The following SDK2 variants were observed in gnomAD, a reference collection of about 807,000 sequenced individuals.
SDK2 encodes the protein protein sidekick-2.
Under a neutral mutation model 253.9 loss-of-function variants are expected in SDK2, and 105 were observed. The ratio of observed to expected loss-of-function variants is 0.41; its 90% CI spans 0.35 to 0.49. SDK2 has a LOEUF of 0.49. SDK2 is among the 20% of genes least tolerant of loss of function. The pLI, the probability that SDK2 is intolerant of heterozygous loss-of-function variation, is 0.06. For missense variants in SDK2, 2,608 were observed against 3,003.0 expected, an observed-to-expected ratio of 0.87 and a Z score of 3.07; for synonymous variants, 1,249 against 1,234.9, an observed-to-expected ratio of 1.01 and a Z score of -0.24.
chr17:73,349,549 G>A (rs536913203), intron 43 of SDK2, among the ~76,000 whole-genome samples: 14 of 152,354 alleles, frequency 9.2e-5, no homozygotes, highest in African/African-American at 3.1e-4. Context: ...CCTTGGAAAT[G>A]GGCAGCCCGA....
At chr17:73,466,379 T>C (rs2063597426) in intron 3 of SDK2, among the ~76,000 whole-genome samples, 2 of 152,198 alleles carry the variant, frequency 1.3e-5, no homozygotes, top group Admixed American at 1.3e-4. Flanking sequence ...GTACTCATGG[T>C]AGCATCCTTT....
chr17:73,423,713 C>A (rs1162493659), intron 13 of SDK2, among the ~76,000 whole-genome samples, 191 bp from the exon 14 acceptor site: 1 of 152,212 alleles, frequency 6.6e-6, no homozygotes, highest in South Asian at 2.1e-4. Flanking sequence ...AAGCCATCCT[C>A]ACACCCCCCT....
chr17:73,595,015 ACCT>A (rs2045735212), intron 1 of SDK2, among the ~76,000 whole-genome samples: 1 of 151,972 alleles, frequency 6.6e-6, no homozygotes, highest in African/African-American at 2.4e-5. Context: ...TCTGTGGATC[ACCT>A]CCTCAATCAG....
Position 73,361,392 on chromosome 17 carries a change from G to C in SDK2, c.5467+292C>G, listed in dbSNP as rs1489245713. On this transcript the variant is annotated intron_variant, in intron 39 of 44. Coordinates refer to ENST00000392650, the MANE Select transcript of SDK2 (RefSeq NM_001144952.2). The surrounding 1 kb of genome is among the most constrained non-coding windows in gnomAD (Gnocchi z 4.1). ...GCCATGCAATTAGCAGGGAGAGAAA[G>C]AACGAAGCAGGCGCAGTGGCCAGGC... Among the ~76,000 whole-genome samples the C allele has an allele frequency of 1.3e-5, 2 of 152,250 alleles. No individual in the cohort carries two copies. Among genetic ancestry groups the C allele is most frequent in the Admixed American group, 1.3e-4 (2 of 15,290 alleles).
rs2062402813 is a variant in SDK2 at position 73,338,648 on chromosome 17, G to A, written c.6458C>T (p.Pro2153Leu). Residue 2153 changes from proline (P) to leucine (L), a missense_variant, in exon 45 of 45, where the codon CCC (proline) becomes CTC (leucine). By Grantham distance (98) the Pro-to-Leu change is moderately conservative (BLOSUM62 -3). Around this residue, in one of 2 missense-constraint regions of SDK2, gnomAD observed 1,103 missense variants for 1,143.9 expected, o/e 0.96. Transcript: ENST00000392650. The surrounding 1 kb of genome is among the most constrained non-coding windows in gnomAD (Gnocchi z 5.0). ...PPSQQSTLYR[P>L]PSSLAPGSRA... is the part of the protein sequence containing the mutation. The stretch of plus-strand genomic sequence containing the variant: ...GGAGCCTGGGGCCAGGCTGCTGGGG[G>A]GACGGTAGAGGGTGCTCTGCTGACT... 6.5e-7 allele frequency: 1 copy of A among 1,547,550 alleles called. No homozygotes were observed. The highest frequency in any genetic ancestry group is 1.4e-5 in the African/African-American group (1 of 72,498).
chr17:73,617,581 T>G (rs929737971), intron 1 of SDK2, among the ~76,000 whole-genome samples: 4 of 152,028 alleles, frequency 2.6e-5, no homozygotes, highest in Non-Finnish European at 5.9e-5. Flanking sequence ...GTCGACAGGC[T>G]CCAGGGGAGC....
intron 2 of SDK2, among the ~76,000 whole-genome samples, chr17:73,500,180 A>C (rs1228764647): frequency 8.2e-6 from 1 of 121,408 alleles, no homozygotes; most frequent in South Asian, 2.8e-4. Flanking sequence ...TCCTCCCTCC[A>C]TTCTCCTCCA....
rs1207575374 is a variant in SDK2 at position 73,455,185 on chromosome 17, GA to G, written c.479+720del. On this transcript the variant is annotated intron_variant, in intron 4 of 44. Coordinates refer to ENST00000392650, the MANE Select transcript of SDK2 (RefSeq NM_001144952.2). This position sits in a 1 kb window ranked among gnomAD's most constrained non-coding sequence, Gnocchi z 5.0. ...AGAAGGTGGTCTTCTGGAAGCAGGGGAGAGCTGGAGTTGGAAAGAGGAGAGC... is the reference window on the plus strand; with the variant it reads ...AGAAGGTGGTCTTCTGGAAGCAGGGGGAGCTGGAGTTGGAAAGAGGAGAGC... 6.6e-6 allele frequency among the ~76,000 whole-genome samples: 1 copy of G among 151,890 alleles called. No homozygotes were observed. Among genetic ancestry groups the G allele is most frequent in the African/African-American group, 2.4e-5 (1 of 41,326 alleles).
At chr17:73,349,638 C>T (rs751148051) in intron 43 of SDK2, among the ~76,000 whole-genome samples, 4 of 152,188 alleles carry the variant, frequency 2.6e-5, no homozygotes, top group African/African-American at 4.8e-5. Context: ...GCTTGCACCA[C>T]GAGCCTTGTC....
chr17:73,584,454 C>A (rs1044177168), intron 1 of SDK2, among the ~76,000 whole-genome samples: 2 of 152,228 alleles, frequency 1.3e-5, no homozygotes, highest in Admixed American at 1.3e-4. Context: ...TATAGGATGT[C>A]TCCCTTCTCC....
rs144230209 is a variant in SDK2, at chr17:73,629,561, T to C, written c.64+14464A>G. Among the ~76,000 whole-genome samples the C allele has an allele frequency of 6.6e-6, 1 of 152,238 alleles. No homozygotes were observed. The highest frequency in any genetic ancestry group is 2.4e-5 in the African/African-American group (1 of 41,526). On this transcript the variant is annotated intron_variant, in intron 1 of 44. Coordinates refer to ENST00000392650, the MANE Select transcript of SDK2 (RefSeq NM_001144952.2). The surrounding 1 kb of genome is among the most constrained non-coding windows in gnomAD (Gnocchi z 5.0). ...AAGGATGAAAAAGAAGACCCCAGCA[T>C]TTCCTAGGGAAGACGGGGGCCCCTC...
At chr17:73,635,230 C>T (rs1221369667) in intron 1 of SDK2, among the ~76,000 whole-genome samples, 1 of 152,066 alleles carries the variant, frequency 6.6e-6, no homozygotes, top group African/African-American at 2.4e-5. Flanking sequence ...TCAAGTGATC[C>T]GCCTGCCTCT....
intron 1 of SDK2, among the ~76,000 whole-genome samples, chr17:73,522,541 C>T (rs1280493255): frequency 6.6e-6 from 1 of 152,220 alleles, no homozygotes; most frequent in Non-Finnish European, 1.5e-5. Context: ...AAACACATAG[C>T]CCATCTGTGG....
rs1371637082 is a variant in SDK2 at position 73,483,683 on chromosome 17, T to TTA, written c.225-11467_225-11466dup. ...TGTGTATATATATATATATATATAT[T>TTA]TATATATATATATATATATATATAT... On this transcript the variant is annotated intron_variant, in intron 2 of 44. Transcript: ENST00000392650. Among the ~76,000 whole-genome samples, 38 of 41,554 alleles carry TTA rather than the reference T, an allele frequency of 9.1e-4. 2 individuals carry two copies. Among genetic ancestry groups the TTA allele is most frequent in the African/African-American group, 3.4e-3 (32 of 9,550 alleles). The allele number at this position is 41,554 out of a possible 152,430, so 27.3% of individuals were successfully genotyped here. A position where few individuals can be genotyped will look rare whatever the true frequency, so the allele number is the denominator to read the frequency against.
chr17:73,380,849 G>A (rs1383757730), intron 34 of SDK2, 45 bp downstream of exon 34: 4 of 1,514,662 alleles, frequency 2.6e-6, no homozygotes, highest in Admixed American at 3.9e-5. Context: ...CCAATCCCCT[G>A]CGAGGCCTGG....
intron 2 of SDK2, among the ~76,000 whole-genome samples, chr17:73,491,374 CTTTTT>C (rs536017346): frequency 7.5e-6 from 1 of 133,972 alleles, no homozygotes; most frequent in Non-Finnish European, 1.6e-5. Flanking sequence ...TGTTTTTTGG[CTTTTT>C]TTTTTTTTTT....
At chr17:73,571,839 C>G (rs1219044574) in intron 1 of SDK2, among the ~76,000 whole-genome samples, 1 of 152,196 alleles carries the variant, frequency 6.6e-6, no homozygotes, top group Admixed American at 6.5e-5. Flanking sequence ...GGGCATTTCC[C>G]AGCCTGCAGG....
chr17:73,375,472 C>T lies in SDK2; in HGVS notation c.4980+3705G>A, dbSNP rs191195053. Among the ~76,000 whole-genome samples the T allele has an allele frequency of 7.2e-5, 11 of 152,186 alleles. No individual in the cohort carries two copies. The East Asian group carries it at 2.1e-3, about 29-fold the overall frequency. ...ATGTTGCCCAGGCTGGTCTTGGACT[C>T]CTGGAGTCAAGCAATCCACCCACCT... On this transcript the variant is annotated intron_variant, in intron 36 of 44. Transcript: ENST00000392650.
chr17:73,508,396 C>G (rs2063952060), intron 1 of SDK2, among the ~76,000 whole-genome samples: 2 of 152,244 alleles, frequency 1.3e-5, no homozygotes, highest in African/African-American at 4.8e-5. Context: ...CTCTGCCCTT[C>G]TGGCCAGTGT....
Sources: gnomAD v4.1 joint callset for allele counts (sites outside exome capture counted in the v4.1 genomes callset) on GRCh38, gnomAD v4.1.1 for gene constraint, gnomAD v4.1.1 regional missense constraint, Gnocchi (gnomAD v3.1) non-coding constraint, MANE v1.5 for transcripts, NCBI Gene and HGNC (gene_info 2026-07-23, HGNC 2026-07-21) for gene names.